The following ITPR1 variants were observed in gnomAD, a reference collection of about 807,000 sequenced individuals.
ITPR1 encodes inositol 1,4,5-trisphosphate-gated calcium channel ITPR1.
ITPR1 carries 96 observed loss-of-function variants against 318.4 expected under a neutral mutation model. The ratio of observed to expected loss-of-function variants is 0.30; its 90% CI spans 0.26 to 0.36. ITPR1 has a LOEUF of 0.36. Ranked by LOEUF, ITPR1 falls within the 10% of genes least tolerant of loss-of-function variation. The probability of loss-of-function intolerance (pLI) is 1.00; values close to 1 mark genes in which losing one functional copy is unlikely to be tolerated. For synonymous variants in ITPR1, 1,312 were observed against 1,289.9 expected (o/e 1.02, Z -0.37); for missense variants, 2,440 against 3,460.2 (o/e 0.71, Z 7.40).
chr3:4,815,718 G>A (rs924854231), intron 59 of ITPR1, among the ~76,000 whole-genome samples: 2 of 151,986 alleles, frequency 1.3e-5, no homozygotes, highest in Non-Finnish European at 2.9e-5. Context: ...AATCATGGAG[G>A]AATCTGGGGA....
At chr3:4,636,616 A>G (rs1359488205) in intron 5 of ITPR1, among the ~76,000 whole-genome samples, 2 of 152,112 alleles carry the variant, frequency 1.3e-5, no homozygotes, top group Admixed American at 6.5e-5. Context: ...TTTAGTAGAG[A>G]CAGCGTTTCA....
chr3:4,653,241 T>TCACCTTGGA (rs2093636796), intron 11 of ITPR1, among the ~76,000 whole-genome samples: 1 of 152,148 alleles, frequency 6.6e-6, no homozygotes, highest in African/African-American at 2.4e-5. Flanking sequence ...ATGGTGGGTG[T>TCACCTTGGA]CAGCACTGCT....
chr3:4,770,008 G>A (rs2046084109), intron 46 of ITPR1, among the ~76,000 whole-genome samples: 1 of 152,180 alleles, frequency 6.6e-6, no homozygotes, highest in Non-Finnish European at 1.5e-5. Context: ...CCTGAATGGT[G>A]TGAGGATGAA....
At chr3:4,611,817 G>C (rs1263397686) in intron 4 of ITPR1, among the ~76,000 whole-genome samples, 1 of 151,920 alleles carries the variant, frequency 6.6e-6, no homozygotes, top group African/African-American at 2.4e-5. Flanking sequence ...TTTTACACTT[G>C]AAAATAAATT....
intron 4 of ITPR1, among the ~76,000 whole-genome samples, chr3:4,558,694 T>C (rs1276117264): frequency 2.0e-5 from 3 of 152,232 alleles, no homozygotes; most frequent in South Asian, 2.1e-4. Context: ...ATATGTCTTC[T>C]CTGGAGAGGC....
chr3:4,618,035 A>G lies in ITPR1; in HGVS notation c.164-9728A>G, dbSNP rs2092455864. Among the ~76,000 whole-genome samples, 4 of 152,142 alleles carry G rather than the reference A, an allele frequency of 2.6e-5. No homozygotes were observed. In the South Asian group the frequency reaches 8.3e-4, roughly 31 times the overall value. ...ATTTGATATATGCACATCCTTTAAA[A>G]AGTCAAATATAGGGTGTTGAGGAGG... On this transcript the variant is annotated intron_variant, in intron 4 of 61. Coordinates refer to ENST00000649015, the MANE Select transcript of ITPR1 (RefSeq NM_001378452.1).
In ITPR1 at chr3:4,563,838, G is replaced by A. The variant is rs114615829; in HGVS notation, c.163+42744G>A. Among the ~76,000 whole-genome samples, 472 of 152,236 alleles carry A rather than the reference G, an allele frequency of 3.1e-3. 2 individuals carry two copies. Among genetic ancestry groups the A allele is most frequent in the African/African-American group, 0.01 (431 of 41,548 alleles). Reference sequence around the variant, plus strand: ...CTAATCCTATATAGAGGTTTTATTCGTTTGCTAGGGTTGCTGCAACAAAGC... The same window carrying A: ...CTAATCCTATATAGAGGTTTTATTCATTTGCTAGGGTTGCTGCAACAAAGC... On this transcript the variant is annotated intron_variant, in intron 4 of 61. Transcript: ENST00000649015.
chr3:4,524,055 G>A (rs577702538), intron 4 of ITPR1, among the ~76,000 whole-genome samples: 45 of 152,258 alleles, frequency 3.0e-4, no homozygotes, highest in Non-Finnish European at 4.6e-4. Flanking sequence ...GAGATGCTTC[G>A]TCCTTGTGGG....
At chr3:4,501,707 A>G (rs2081035766) in intron 2 of ITPR1, among the ~76,000 whole-genome samples, 1 of 152,220 alleles carries the variant, frequency 6.6e-6, no homozygotes, top group South Asian at 2.1e-4. Context: ...AGTAGTTTTC[A>G]CATGATTCCC....
At chr3:4,552,922 A>G (rs140600024) in intron 4 of ITPR1, among the ~76,000 whole-genome samples, 2 of 152,250 alleles carry the variant, frequency 1.3e-5, no homozygotes, top group African/African-American at 4.8e-5. Flanking sequence ...GACCAAATAT[A>G]TATTTCACAA....
rs149542962 is a variant in ITPR1 at position 4,567,004 on chromosome 3, T to A, written c.163+45910T>A. Among the ~76,000 whole-genome samples the A allele has an allele frequency of 8.4e-3, 1,276 of 152,344 alleles. 21 individuals are homozygous for A. Among genetic ancestry groups the A allele is most frequent in the African/African-American group, 0.028 (1,166 of 41,574 alleles). ...GACTGCCTGAGTTGAATCCTGGCAG[T>A]GCCACTTATGACTTGAATGACCTCA... On this transcript the variant is annotated intron_variant, in intron 4 of 61. Transcript: ENST00000649015.
At chr3:4,752,227 C>T (rs562212625) in intron 44 of ITPR1, among the ~76,000 whole-genome samples, 8 of 152,290 alleles carry the variant, frequency 5.3e-5, no homozygotes, top group Admixed American at 4.6e-4. Context: ...TTTTTATTAG[C>T]CTCCTTGCAA....
chr3:4,611,289 G>T (rs1472268492), intron 4 of ITPR1, among the ~76,000 whole-genome samples: 2 of 149,862 alleles, frequency 1.3e-5, no homozygotes, highest in Non-Finnish European at 2.9e-5. Flanking sequence ...GCTGAGTGCA[G>T]TGGCTCACGC....
rs1268319246 is a variant in ITPR1 at position 4,847,351 on chromosome 3, C to T, written c.*1126C>T. 6.2e-5 allele frequency: 9 copies of T among 144,822 alleles called. No individual in the cohort carries two copies. Among genetic ancestry groups the T allele is most frequent in the African/African-American group, 2.3e-4 (9 of 38,776 alleles). 9.0% of individuals were successfully genotyped at this position (144,822 alleles called of 1,614,324 possible). On this transcript the variant is annotated 3_prime_UTR_variant, in exon 62 of 62. Coordinates refer to ENST00000649015, the MANE Select transcript of ITPR1 (RefSeq NM_001378452.1). ...TGAAAGGAAACTTTTATATCTGTTGCCTAGTTTTGTACATGGATCTCATTT... is the reference window on the plus strand; with the variant it reads ...TGAAAGGAAACTTTTATATCTGTTGTCTAGTTTTGTACATGGATCTCATTT...
chr3:4,620,359 G>C (rs968226790), intron 4 of ITPR1, among the ~76,000 whole-genome samples: 4 of 152,140 alleles, frequency 2.6e-5, no homozygotes, highest in African/African-American at 9.7e-5. Flanking sequence ...ACAGATGTCT[G>C]GACTATATGG....
At chr3:4,773,146 G>C (rs904106153) in intron 46 of ITPR1, among the ~76,000 whole-genome samples, 1 of 152,208 alleles carries the variant, frequency 6.6e-6, no homozygotes, top group Non-Finnish European at 1.5e-5. Context: ...GGCGACTTGC[G>C]ATGCTCCCAT....
At chr3:4,770,757 T>C (rs2046134633) in intron 46 of ITPR1, among the ~76,000 whole-genome samples, 1 of 152,222 alleles carries the variant, frequency 6.6e-6, no homozygotes, top group Non-Finnish European at 1.5e-5. Flanking sequence ...TTGCCAGGAC[T>C]GTGTAGTCCA....
intron 60 of ITPR1, among the ~76,000 whole-genome samples, chr3:4,828,808 T>C (rs2050248124): frequency 1.3e-5 from 2 of 152,194 alleles, no homozygotes; most frequent in South Asian, 4.1e-4. Flanking sequence ...CTGAAGATTA[T>C]ATAATGTGGC....
intron 10 of ITPR1, among the ~76,000 whole-genome samples, chr3:4,648,195 A>G (rs2093508120): frequency 6.6e-6 from 1 of 152,058 alleles, no homozygotes; most frequent in South Asian, 2.1e-4. Flanking sequence ...TTGTATAGAA[A>G]AGTTTCCACA....
Sources: allele counts gnomAD v4.1 joint callset (sites outside exome capture counted in the v4.1 genomes callset), GRCh38; gene constraint gnomAD v4.1.1; transcripts MANE v1.5; gene names NCBI Gene and HGNC (gene_info 2026-07-23, HGNC 2026-07-21).